The following PDE6A variants were observed in gnomAD, a reference collection of about 807,000 sequenced individuals.
PDE6A encodes the protein rod cGMP-specific 3',5'-cyclic phosphodiesterase subunit alpha.
PDE6A carries 84 observed loss-of-function variants against 106.3 expected under a neutral mutation model. The ratio of observed to expected loss-of-function variants is 0.79; its 90% CI spans 0.66 to 0.95. The LOEUF (loss-of-function observed/expected upper bound fraction) is 0.95. Ranked by LOEUF, PDE6A falls within the 40% of genes least tolerant of loss-of-function variation. PDE6A has a pLI of 0.00. For missense variants in PDE6A, 1,052 were observed against 1,084.9 expected (o/e 0.97, Z 0.43); for synonymous variants, 394 against 386.6 (o/e 1.02, Z -0.23).
intron 4 of PDE6A, among the ~76,000 whole-genome samples, chr5:149,923,505 TAACATAACATAACATA>T (rs1188945374): frequency 0.32 from 944 of 2,942 alleles, 2 homozygotes; most frequent in South Asian, 0.38. Flanking sequence ...CTCAAATAAA[TAACATAACATAACATA>T]ACATAACATA....
At chr5:149,862,834 A>G (rs558030417) in intron 21 of PDE6A, among the ~76,000 whole-genome samples, 1 of 152,350 alleles carries the variant, frequency 6.6e-6, no homozygotes, top group South Asian at 2.1e-4. Context: ...GGGTAGGGAC[A>G]TATGTCCACA....
At chr5:149,934,494 A>G in intron 2 of PDE6A, 72 bp downstream of exon 2, 1 of 1,517,508 alleles carries the variant, frequency 6.6e-7, no homozygotes, top group Admixed American at 1.7e-5. Context: ...GTCAAACAGC[A>G]AAGTTCAGGG....
At chr5:149,899,575 C>T (rs758563034) in intron 8 of PDE6A, 51 bp from the exon 9 acceptor site, 1 of 1,575,302 alleles carries the variant, frequency 6.3e-7, no homozygotes, top group South Asian at 1.1e-5. Flanking sequence ...GCCACAGAGG[C>T]AACGATGATA....
rs573204142 is a variant in PDE6A, at chr5:149,894,627, G to A, written c.1728+556C>T. 3.1e-3 allele frequency among the ~76,000 whole-genome samples: 356 copies of A among 113,186 alleles called. 2 individuals carry two copies. The highest frequency in any genetic ancestry group is 0.013 in the African/African-American group (328 of 24,658). The allele number at this position is 113,186 out of a possible 152,430, so 74.3% of individuals were successfully genotyped here. ...TATAACCATGACCAATTGAACTGTT[G>A]AATTTTTTTTTTTTTTTTTTTTTGA... On this transcript the variant is annotated intron_variant, in intron 13 of 21. Coordinates refer to ENST00000255266, the MANE Select transcript of PDE6A (RefSeq NM_000440.3).
chr5:149,907,753 G>A (rs1753247154), intron 6 of PDE6A, among the ~76,000 whole-genome samples: 1 of 152,100 alleles, frequency 6.6e-6, no homozygotes, highest in African/African-American at 2.4e-5. Context: ...TTCCTACCAT[G>A]TGCTAAGCAC....
rs1752298077 is a variant in PDE6A, at chr5:149,886,269, T to C, written c.1834A>G (p.Met612Val). 6.2e-7 allele frequency: 1 copy of C among 1,610,282 alleles called. No homozygotes were observed. Among genetic ancestry groups the C allele is most frequent in the Non-Finnish European group, 8.5e-7 (1 of 1,176,508 alleles). The change falls in exon 14 of 22, where the codon ATG (methionine) becomes GTG (valine). Residue 612 changes from methionine (M) to valine (V), a missense_variant. Around this residue, in one of 3 missense-constraint regions of PDE6A, gnomAD observed 913 missense variants for 915.2 expected, o/e 1.00. Transcript: ENST00000255266. ...DHRGTNNLYQ[M>V]KSQNPLAKLH... is the part of the protein sequence containing the mutation. ...TGGGGAGGGAGGCTGACTCACTTCA[T>C]CTGGTAGAGGTTATTGGTGCCTCTG...
intron 17 of PDE6A, among the ~76,000 whole-genome samples, chr5:149,879,858 T>G (rs948683764): frequency 4.6e-5 from 7 of 152,158 alleles, no homozygotes; most frequent in Admixed American, 6.5e-5. Context: ...CCTGGTTATT[T>G]AAAAATTTTT....
chr5:149,944,174 CCT>C (rs1176885208), intron 1 of PDE6A, 24 bp downstream of exon 1: 1 of 1,557,012 alleles, frequency 6.4e-7, no homozygotes, highest in East Asian at 2.2e-5. Context: ...TGCCCCATGC[CCT>C]CTCTCTCATG....
At chr5:149,868,292 C>T in intron 17 of PDE6A, 134 bp from the exon 18 acceptor site, 1 of 818,746 alleles carries the variant, frequency 1.2e-6, no homozygotes, top group Non-Finnish European at 2.0e-6. Context: ...GGGCTCACCC[C>T]CATTGCATCC....
intron 4 of PDE6A, among the ~76,000 whole-genome samples, chr5:149,927,563 C>T (rs922340056): frequency 6.6e-6 from 1 of 151,972 alleles, no homozygotes; most frequent in Admixed American, 6.6e-5. Context: ...CAGGTATGAG[C>T]CACCAAGCCT....
chr5:149,928,066 C>G (rs530930239), intron 4 of PDE6A, among the ~76,000 whole-genome samples: 1 of 150,930 alleles, frequency 6.6e-6, no homozygotes, highest in Admixed American at 6.6e-5. Flanking sequence ...TTACAGTTAA[C>G]TTTTTTCTTT....
At chr5:149,933,893 A>G (rs376775168) in intron 3 of PDE6A, 37 bp downstream of exon 3, 20 of 1,466,474 alleles carry the variant, frequency 1.4e-5, no homozygotes, top group Non-Finnish European at 1.9e-5. Flanking sequence ...CAGGGAAAGG[A>G]CGAGTCAAGT....
chr5:149,859,099 A>AC lies in PDE6A; in HGVS notation c.*1795dup, dbSNP rs1760039048. On this transcript the variant is annotated 3_prime_UTR_variant, in exon 22 of 22. Transcript: ENST00000255266. ...CTTGGCCTCCCAAAGTGCTGGAATT[A>AC]CAGGCGTGAGCCACCGCGCCCGGCC... is the stretch of plus-strand genomic sequence containing the variant. 2 of 152,294 alleles carry AC rather than the reference A, an allele frequency of 1.3e-5. No individual in the cohort carries two copies. The highest frequency in any genetic ancestry group is 1.3e-4 in the Admixed American group (2 of 15,292). 9.4% of individuals were successfully genotyped at this position (152,294 alleles called of 1,614,324 possible).
chr5:149,887,524 T>A (rs1379038724), intron 13 of PDE6A, among the ~76,000 whole-genome samples: 10 of 152,116 alleles, frequency 6.6e-5, no homozygotes, highest in African/African-American at 2.4e-4. Context: ...TATGTGGACA[T>A]GGTGGCACAT....
In PDE6A at chr5:149,904,764, C is replaced by T. The variant is rs150275886; in HGVS notation, c.1066-1069G>A. Among the ~76,000 whole-genome samples the T allele has an allele frequency of 3.0e-3, 455 of 152,224 alleles. 3 individuals are homozygous for T. The highest frequency in any genetic ancestry group is 0.01 in the African/African-American group (424 of 41,516). Reference sequence around the variant, plus strand: ...TGACCTCTCCTTTGACCAACTCTATCAGTTACTATCATTGTCTCCTGATCT... The same window carrying T: ...TGACCTCTCCTTTGACCAACTCTATTAGTTACTATCATTGTCTCCTGATCT... On this transcript the variant is annotated intron_variant, in intron 7 of 21. Transcript: ENST00000255266.
At chr5:149,929,154 A>G (rs1019013530) in intron 4 of PDE6A, among the ~76,000 whole-genome samples, 2 of 152,232 alleles carry the variant, frequency 1.3e-5, no homozygotes, top group Admixed American at 1.3e-4. Flanking sequence ...GTGTACTAGT[A>G]ATATACTAGA....
At chr5:149,905,338 G>C (rs1753142861) in intron 7 of PDE6A, among the ~76,000 whole-genome samples, 1 of 152,052 alleles carries the variant, frequency 6.6e-6, no homozygotes, top group South Asian at 2.1e-4. Context: ...AACACCATCT[G>C]GTCCTGATAT....
chr5:149,914,875 C>A, intron 6 of PDE6A, 68 bp downstream of exon 6: 1 of 1,040,682 alleles, frequency 9.6e-7, no homozygotes, highest in Non-Finnish European at 1.5e-6. Flanking sequence ...TCCAGAATCA[C>A]CGATAAAGCC....
chr5:149,873,355 C>G (rs140519764), intron 17 of PDE6A, among the ~76,000 whole-genome samples: 3,483 of 147,348 alleles, frequency 0.024, 46 homozygotes, highest in Middle Eastern at 0.077. Flanking sequence ...TTTTTGAGAC[C>G]GAGTCTCACT....
Sources: allele counts gnomAD v4.1 joint callset (sites outside exome capture counted in the v4.1 genomes callset), GRCh38; gene constraint gnomAD v4.1.1; regional missense constraint gnomAD v4.1.1; transcripts MANE v1.5; gene names NCBI Gene and HGNC (gene_info 2026-07-23, HGNC 2026-07-21).